The following SAMD12 variants were observed in gnomAD, a reference collection of about 807,000 sequenced individuals.
SAMD12 encodes the protein sterile alpha motif domain-containing protein 12.
A neutral mutation model predicts 15.0 loss-of-function variants in SAMD12; 9 were observed. The observed-to-expected ratio is 0.60, with a 90% confidence interval of 0.36 to 1.05. The LOEUF (loss-of-function observed/expected upper bound fraction) is 1.05. SAMD12 is among the 50% of genes least tolerant of loss of function. The probability of loss-of-function intolerance (pLI) is 0.01; values close to 1 mark genes in which losing one functional copy is unlikely to be tolerated. For synonymous variants in SAMD12, 86 were observed against 90.1 expected (o/e 0.96, Z 0.25); for missense variants, 230 against 234.2 (o/e 0.98, Z 0.12).
At chr8:118,425,325 CA>C (rs2130857214) in intron 3 of SAMD12, among the ~76,000 whole-genome samples, 1 of 152,170 alleles carries the variant, frequency 6.6e-6, no homozygotes, top group East Asian at 1.9e-4. Flanking sequence ...CAGTGCTTTC[CA>C]AAAACATGCA....
At chr8:118,413,385 C>T (rs1281313089) in intron 3 of SAMD12, among the ~76,000 whole-genome samples, 1 of 152,130 alleles carries the variant, frequency 6.6e-6, no homozygotes, top group Non-Finnish European at 1.5e-5. Context: ...ATACACTTGG[C>T]ATATTTAATC....
intron 2 of SAMD12, among the ~76,000 whole-genome samples, chr8:118,500,536 T>G (rs1305626914): frequency 6.7e-6 from 1 of 149,558 alleles, no homozygotes; most frequent in Non-Finnish European, 1.5e-5. Flanking sequence ...CCAGGCGCAG[T>G]GGCTCACGCC....
At chr8:118,284,136 T>A (rs932451868) in intron 4 of SAMD12, 3 of 371,970 alleles carry the variant, frequency 8.1e-6, no homozygotes, top group Non-Finnish European at 1.6e-5. Flanking sequence ...CTTCCATGTA[T>A]ATTCTTTTGG....
intron 2 of SAMD12, among the ~76,000 whole-genome samples, chr8:118,573,996 A>C (rs1827087172): frequency 6.6e-6 from 1 of 152,202 alleles, no homozygotes; most frequent in African/African-American, 2.4e-5. Flanking sequence ...AGACCAGAAA[A>C]AGTTATATGC....
chr8:118,621,566 C>A, intron 1 of SAMD12: 1 of 578,488 alleles, frequency 1.7e-6, no homozygotes, highest in Non-Finnish European at 3.1e-6. Context: ...CACTCGTCTC[C>A]ACACCTCCTA....
chr8:118,175,474 A>G, the SAMD12 span, among the ~76,000 whole-genome samples: 1 of 152,244 alleles, frequency 6.6e-6, no homozygotes, highest in Non-Finnish European at 1.5e-5. Context: ...GATTGCAACA[A>G]AAATAAAATT....
chr8:118,303,172 T>C (rs1815137732), intron 4 of SAMD12, among the ~76,000 whole-genome samples: 1 of 152,212 alleles, frequency 6.6e-6, no homozygotes, highest in African/African-American at 2.4e-5. Flanking sequence ...AGGATATGTG[T>C]GCATTTCCTG....
Position 118,338,127 on chromosome 8 carries a change from C to T in SAMD12, c.433+41433G>A, listed in dbSNP as rs139770451. Among the ~76,000 whole-genome samples the T allele has an allele frequency of 4.0e-3, 608 of 152,240 alleles. 4 individuals carry two copies. Among genetic ancestry groups the T allele is most frequent in the African/African-American group, 0.013 (529 of 41,528 alleles). On this transcript the variant is annotated intron_variant, in intron 4 of 4. Coordinates refer to the SAMD12 transcript ENST00000409003. Reference sequence around the variant, plus strand: ...ATTCTAGATTTAAATGTACTGAAATCATCAGGATAGCAGATCACACAGAAA... The same window carrying T: ...ATTCTAGATTTAAATGTACTGAAATTATCAGGATAGCAGATCACACAGAAA...
intron 2 of SAMD12, among the ~76,000 whole-genome samples, chr8:118,463,030 G>A (rs2091101857): frequency 6.6e-6 from 1 of 150,730 alleles, no homozygotes; most frequent in African/African-American, 2.4e-5. Context: ...GAACCCGGGA[G>A]GCGGAGCTTG....
At chr8:118,293,982 C>T (rs567475635) in intron 4 of SAMD12, among the ~76,000 whole-genome samples, 40 of 152,310 alleles carry the variant, frequency 2.6e-4, no homozygotes, top group African/African-American at 9.4e-4. Context: ...GCTAATAATA[C>T]ACTGAAATCA....
chr8:118,352,815 A>G (rs1818021326), intron 4 of SAMD12, among the ~76,000 whole-genome samples: 1 of 152,178 alleles, frequency 6.6e-6, no homozygotes, highest in Non-Finnish European at 1.5e-5. Context: ...CACTGTAGAA[A>G]GGGGTACATG....
chr8:118,322,343 C>T (rs1482603622), intron 4 of SAMD12, among the ~76,000 whole-genome samples: 1 of 152,146 alleles, frequency 6.6e-6, no homozygotes, highest in Non-Finnish European at 1.5e-5. Context: ...TGCTGCATGC[C>T]CACCACATAA....
At chr8:118,557,685 A>G (rs937990793) in intron 2 of SAMD12, among the ~76,000 whole-genome samples, 4 of 152,192 alleles carry the variant, frequency 2.6e-5, no homozygotes, top group African/African-American at 9.7e-5. Flanking sequence ...TGAGATTATA[A>G]CTAATGAAAT....
chr8:118,139,094 T>C, the SAMD12 span, among the ~76,000 whole-genome samples: 2 of 152,100 alleles, frequency 1.3e-5, no homozygotes, highest in Admixed American at 6.6e-5. Context: ...GAAATGGATA[T>C]TAACAACATG....
chr8:118,435,293 T>C (rs185042755), intron 3 of SAMD12, among the ~76,000 whole-genome samples: 57 of 152,308 alleles, frequency 3.7e-4, no homozygotes, highest in Admixed American at 6.5e-4. Flanking sequence ...TATTATGGTA[T>C]ATTATTATTA....
intron 4 of SAMD12, among the ~76,000 whole-genome samples, chr8:118,296,545 A>G (rs150968494): frequency 6.6e-6 from 1 of 152,330 alleles, no homozygotes; most frequent in East Asian, 1.9e-4. Context: ...CACAGCCTGC[A>G]TGTGTTACAC....
At chr8:118,492,121 C>CTTTTTTT (rs1586760425) in intron 2 of SAMD12, among the ~76,000 whole-genome samples, 12 of 112,580 alleles carry the variant, frequency 1.1e-4, no homozygotes, top group Non-Finnish European at 8.7e-5. Flanking sequence ...ACTGGTGTTG[C>CTTTTTTT]CTTTTTTTTT....
chr8:118,478,251 A>G lies in SAMD12; in HGVS notation c.193-38290T>C, dbSNP rs185174217. On this transcript the variant is annotated intron_variant, in intron 2 of 3. Coordinates refer to ENST00000314727, the MANE Select transcript of SAMD12 (RefSeq NM_207506.3). Reference sequence around the variant, plus strand: ...TAATTAGCAAGATGGCTTGGCCAAAATATTTTCTTCCATCAGAGTGTTCCC... The same window carrying G: ...TAATTAGCAAGATGGCTTGGCCAAAGTATTTTCTTCCATCAGAGTGTTCCC... Among the ~76,000 whole-genome samples the G allele has an allele frequency of 4.0e-3, 612 of 152,310 alleles. 3 individuals carry two copies. Among genetic ancestry groups the G allele is most frequent in the Middle Eastern group, 0.027 (8 of 294 alleles).
At chr8:118,562,568 G>C (rs919593031) in intron 2 of SAMD12, among the ~76,000 whole-genome samples, 1 of 152,120 alleles carries the variant, frequency 6.6e-6, no homozygotes, top group African/African-American at 2.4e-5. Context: ...AAATTCTGCA[G>C]AAAAGTGACA....
Sources: allele counts gnomAD v4.1 joint callset (sites outside exome capture counted in the v4.1 genomes callset), GRCh38; gene constraint gnomAD v4.1.1; transcripts MANE v1.5; gene names NCBI Gene and HGNC (gene_info 2026-07-23, HGNC 2026-07-21).